KAZN: variants seen among roughly 807,000 people sequenced by gnomAD.
KAZN encodes the protein kazrin, periplakin interacting protein.
A neutral mutation model predicts 87.4 loss-of-function variants in KAZN; 40 were observed. That is an observed-to-expected ratio of 0.46 (90% CI 0.36 to 0.60). KAZN has a LOEUF of 0.60. Ranked by LOEUF, KAZN falls within the 20% of genes least tolerant of loss-of-function variation. KAZN has a pLI of 0.00. For missense variants in KAZN, 898 were observed against 1,073.9 expected, an observed-to-expected ratio of 0.84 and a Z score of 2.29; for synonymous variants, 466 against 458.3, an observed-to-expected ratio of 1.02 and a Z score of -0.22.
intron 1 of KAZN, among the ~76,000 whole-genome samples, chr1:14,052,489 G>A (rs750686279): frequency 6.6e-6 from 1 of 151,958 alleles, no homozygotes; most frequent in African/African-American, 2.4e-5. Flanking sequence ...ATCATACCCT[G>A]TGATGCTGAA....
chr1:14,466,183 C>G (rs899168984), intron 2 of KAZN, among the ~76,000 whole-genome samples: 1 of 152,098 alleles, frequency 6.6e-6, no homozygotes, highest in Non-Finnish European at 1.5e-5. Flanking sequence ...GAATTATGTC[C>G]CTGCCGCCAA....
intron 2 of KAZN, among the ~76,000 whole-genome samples, chr1:14,510,355 G>A (rs1324520556): frequency 7.1e-6 from 1 of 141,618 alleles, no homozygotes; most frequent in Admixed American, 7.1e-5. Flanking sequence ...TCCAGCCTGG[G>A]CAACGAGAGC....
At chr1:14,589,234 C>T (rs1447299291) in intron 2 of KAZN, among the ~76,000 whole-genome samples, 1 of 151,958 alleles carries the variant, frequency 6.6e-6, no homozygotes, top group Non-Finnish European at 1.5e-5. Context: ...AACACAGCTC[C>T]CTCTTGAACT....
chr1:14,704,887 T>C (rs1373201594), intron 1 of KAZN, among the ~76,000 whole-genome samples: 1 of 152,242 alleles, frequency 6.6e-6, no homozygotes, highest in Non-Finnish European at 1.5e-5. Flanking sequence ...ACCAGAGCTT[T>C]CTGCAAGGCA....
At chr1:14,121,544 G>A (rs949822644) in intron 1 of KAZN, among the ~76,000 whole-genome samples, 1 of 152,170 alleles carries the variant, frequency 6.6e-6, no homozygotes, top group Non-Finnish European at 1.5e-5. Flanking sequence ...TAATCACTAT[G>A]CCTAACAAAC....
At chr1:14,290,217 T>G (rs181867159) in intron 2 of KAZN, among the ~76,000 whole-genome samples, 1 of 152,248 alleles carries the variant, frequency 6.6e-6, no homozygotes, top group Admixed American at 6.5e-5. Context: ...AATTTGAATG[T>G]TGGCCTACTT....
intron 2 of KAZN, among the ~76,000 whole-genome samples, chr1:14,328,417 T>C (rs923581164): frequency 6.6e-6 from 1 of 151,892 alleles, no homozygotes; most frequent in Admixed American, 6.6e-5. Flanking sequence ...TAAGAAACTC[T>C]AAGAGGCCAG....
chr1:14,702,601 A>T (rs1210256708), intron 1 of KAZN, among the ~76,000 whole-genome samples: 1 of 152,124 alleles, frequency 6.6e-6, no homozygotes, highest in Non-Finnish European at 1.5e-5. Context: ...CGTGGTATGT[A>T]TCGTGGGTGA....
At chr1:14,528,824 G>C (rs78157831) in intron 2 of KAZN, among the ~76,000 whole-genome samples, 2,891 of 148,968 alleles carry the variant, frequency 0.019, 36 homozygotes, top group Non-Finnish European at 0.029. Flanking sequence ...CTGCACATCC[G>C]CAATTTCTTC....
chr1:13,905,818 T>G (rs765024535), intron 1 of KAZN, among the ~76,000 whole-genome samples: 3 of 152,202 alleles, frequency 2.0e-5, no homozygotes, highest in Non-Finnish European at 4.4e-5. Context: ...CCTATAGCCA[T>G]TATAACAAAT....
In KAZN at chr1:14,599,066, G is replaced by T. The variant is rs1204136878; in HGVS notation, c.69G>T (p.Val23=). 5 of 1,562,566 alleles carry T rather than the reference G, an allele frequency of 3.2e-6. No individual in the cohort carries two copies. Among genetic ancestry groups the T allele is most frequent in the South Asian group, 1.2e-5 (1 of 85,634 alleles). ...DGAVQSASQE[V]TNLRAELTAT... The stretch of plus-strand genomic sequence containing the variant: ...CGGTCCAGTCGGCCAGCCAGGAGGT[G>T]ACCAACCTGCGAGCCGAACTCACGG... Residue 23 remains valine, a synonymous_variant, in exon 1 of 15, where the codon GTG becomes GTT. Transcript: ENST00000376030. The surrounding 1 kb of genome is among the most constrained non-coding windows in gnomAD (Gnocchi z 4.4).
chr1:14,254,058 T>TA (rs1361659691), intron 2 of KAZN, among the ~76,000 whole-genome samples: 1 of 151,862 alleles, frequency 6.6e-6, no homozygotes, highest in Non-Finnish European at 1.5e-5. Flanking sequence ...GTTTCCCACA[T>TA]AAAAAACATA....
At chr1:14,859,023 A>T (rs1650513251) in intron 1 of KAZN, among the ~76,000 whole-genome samples, 2 of 152,060 alleles carry the variant, frequency 1.3e-5, no homozygotes, top group African/African-American at 4.8e-5. Flanking sequence ...TGGCTAACGC[A>T]GTGAAACCCT....
intron 1 of KAZN, among the ~76,000 whole-genome samples, chr1:14,952,583 G>A (rs574233574): frequency 4.9e-4 from 75 of 152,132 alleles, no homozygotes; most frequent in African/African-American, 1.7e-3. Context: ...ATATTTGGGC[G>A]TGAGGCTGTT....
rs1643266995 is a variant in KAZN at position 14,072,045 on chromosome 1, C to T, written c.92-108390C>T. 2.0e-5 allele frequency among the ~76,000 whole-genome samples: 3 copies of T among 152,180 alleles called. No individual in the cohort carries two copies. In the South Asian group the frequency reaches 6.2e-4, roughly 32 times the overall value. ...AACCATCTGGACTGAAATACTATCC[C>T]AGCAAGTTCTAACTTTGCTAACTTA... On this transcript the variant is annotated intron_variant, in intron 1 of 16. Transcript: ENST00000636203.
At chr1:14,670,800 G>C (rs997442598) in intron 1 of KAZN, among the ~76,000 whole-genome samples, 1 of 152,218 alleles carries the variant, frequency 6.6e-6, no homozygotes, top group African/African-American at 2.4e-5. Flanking sequence ...GTTCTCAGGT[G>C]ACCCCTGTGC....
At chr1:14,225,122 A>G (rs1457650327) in intron 2 of KAZN, among the ~76,000 whole-genome samples, 2 of 152,190 alleles carry the variant, frequency 1.3e-5, no homozygotes, top group African/African-American at 2.4e-5. Flanking sequence ...CTCTGTTTGC[A>G]GACAATATAA....
intron 1 of KAZN, among the ~76,000 whole-genome samples, chr1:14,763,836 G>A (rs1360590200): frequency 7.9e-5 from 12 of 152,102 alleles, no homozygotes; most frequent in African/African-American, 2.9e-4. Flanking sequence ...TGCAACTTCC[G>A]CCTCCCAGGT....
intron 2 of KAZN, among the ~76,000 whole-genome samples, chr1:15,011,708 G>A (rs1669588799): frequency 6.6e-6 from 1 of 152,198 alleles, no homozygotes; most frequent in Non-Finnish European, 1.5e-5. Context: ...CAAAAGCATA[G>A]ACCTTACTCT....
Sources: gnomAD v4.1 joint callset for allele counts (sites outside exome capture counted in the v4.1 genomes callset) on GRCh38, gnomAD v4.1.1 for gene constraint, Gnocchi (gnomAD v3.1) non-coding constraint, MANE v1.5 for transcripts, NCBI Gene and HGNC (gene_info 2026-07-23, HGNC 2026-07-21) for gene names.